The following NTM variants were observed in gnomAD, a reference collection of about 807,000 sequenced individuals.
NTM encodes the protein IgLON family member 2.
In NTM, 13 loss-of-function variants were observed where a neutral mutation model predicts 42.1. The observed-to-expected ratio is 0.31, with a 90% confidence interval of 0.20 to 0.49. The LOEUF (loss-of-function observed/expected upper bound fraction) is 0.49, where lower values mean the gene tolerates loss of function less well. Among genes scored for constraint, NTM ranks in the 20% least tolerant of loss-of-function variants. The probability of loss-of-function intolerance (pLI) is 0.99; values close to 1 mark genes in which losing one functional copy is unlikely to be tolerated. For missense variants in NTM, 373 were observed against 452.8 expected, an observed-to-expected ratio of 0.82 and a Z score of 1.60; for synonymous variants, 187 against 179.2, an observed-to-expected ratio of 1.04 and a Z score of -0.35.
intron 1 of NTM, chr11:131,896,984 G>C (rs1436159552): frequency 6.6e-6 from 1 of 152,174 alleles, no homozygotes; most frequent in Non-Finnish European, 1.5e-5. Flanking sequence ...CACCGCGCCC[G>C]GCCTAGGCTT....
At chr11:132,135,615 A>C (rs1404074439) in intron 2 of NTM, among the ~76,000 whole-genome samples, 1 of 152,212 alleles carries the variant, frequency 6.6e-6, no homozygotes, top group Non-Finnish European at 1.5e-5. Context: ...CACACAGGCT[A>C]CTGCTAGGGG....
intron 1 of NTM, among the ~76,000 whole-genome samples, chr11:131,748,411 T>C (rs765469970): frequency 7.2e-5 from 11 of 152,216 alleles, no homozygotes; most frequent in Non-Finnish European, 1.3e-4. Flanking sequence ...GGAAAGACAT[T>C]AGGAGCTTGG....
chr11:132,160,488 CT>C (rs2074050090), intron 3 of NTM, among the ~76,000 whole-genome samples: 1 of 152,210 alleles, frequency 6.6e-6, no homozygotes, highest in South Asian at 2.1e-4. Context: ...TAGCAATCAT[CT>C]TTTCTTCCTT....
chr11:132,080,434 A>G (rs561570647), intron 2 of NTM, among the ~76,000 whole-genome samples: 2 of 152,320 alleles, frequency 1.3e-5, no homozygotes, highest in African/African-American at 4.8e-5. Context: ...CATTTGCACA[A>G]AATCCCCAGC....
intron 3 of NTM, among the ~76,000 whole-genome samples, chr11:132,196,019 G>A (rs2080152795): frequency 6.6e-6 from 1 of 152,038 alleles, no homozygotes; most frequent in South Asian, 2.1e-4. Flanking sequence ...ACAACCTATG[G>A]AATGGAAGAA....
Position 131,721,259 on chromosome 11 carries a change from C to T in NTM, c.83-190305C>T, listed in dbSNP as rs114931969. Among the ~76,000 whole-genome samples, 1,350 of 152,202 alleles carry T rather than the reference C, an allele frequency of 8.9e-3. 24 individuals are homozygous for T. Among genetic ancestry groups the T allele is most frequent in the African/African-American group, 0.027 (1,106 of 41,516 alleles). On this transcript the variant is annotated intron_variant, in intron 1 of 8. Transcript: ENST00000683400. ...TTTCTCTTTCCTTTATGTTACAATG[C>T]TACCCTTATTCCGCTCAGATTTTAT...
At chr11:131,945,617 A>G (rs956178127) in intron 2 of NTM, among the ~76,000 whole-genome samples, 2 of 152,240 alleles carry the variant, frequency 1.3e-5, no homozygotes, top group African/African-American at 2.4e-5. Flanking sequence ...TTCAAAAATC[A>G]TTTAAGAAAA....
At chr11:131,503,889 G>A (rs1182005157) in intron 1 of NTM, among the ~76,000 whole-genome samples, 1 of 152,178 alleles carries the variant, frequency 6.6e-6, no homozygotes, top group Non-Finnish European at 1.5e-5. Flanking sequence ...TATTAGAGGT[G>A]AAGTTAACTG....
chr11:131,690,747 C>T (rs1278338177), intron 1 of NTM, among the ~76,000 whole-genome samples: 1 of 152,226 alleles, frequency 6.6e-6, no homozygotes, highest in African/African-American at 2.4e-5. Flanking sequence ...CCGTGGCCCA[C>T]ATCCTTGGGG....
At position 131,593,671 on chromosome 11, in the gene NTM, T is replaced by C. The variant is rs56246361; in HGVS notation, c.82+222783T>C. ...TAGTCAAAGGTCATTCAGCTGATAGTACGTGGGCAAAGCTGAGATTTAAAA... is the reference window on the plus strand; with the variant it reads ...TAGTCAAAGGTCATTCAGCTGATAGCACGTGGGCAAAGCTGAGATTTAAAA... On this transcript the variant is annotated intron_variant, in intron 1 of 8. Transcript: ENST00000683400. 5.7e-3 allele frequency among the ~76,000 whole-genome samples: 866 copies of C among 152,372 alleles called. 2 individuals are homozygous for C. Among genetic ancestry groups the C allele is most frequent in the Admixed American group, 8.1e-3 (124 of 15,310 alleles).
intron 2 of NTM, among the ~76,000 whole-genome samples, chr11:132,001,972 G>A (rs1288745263): frequency 6.6e-6 from 1 of 152,174 alleles, no homozygotes; most frequent in African/African-American, 2.4e-5. Flanking sequence ...AGGAGAATGG[G>A]TAAGATATGG....
At chr11:131,433,512 G>A (rs918189490) in intron 1 of NTM, among the ~76,000 whole-genome samples, 3 of 152,062 alleles carry the variant, frequency 2.0e-5, no homozygotes, top group African/African-American at 2.4e-5. Context: ...TTTCTCTTGT[G>A]TTTTGGAAGA....
intron 2 of NTM, among the ~76,000 whole-genome samples, chr11:132,004,659 AC>A (rs1348338157): frequency 6.6e-6 from 1 of 151,486 alleles, no homozygotes; most frequent in African/African-American, 2.4e-5. Context: ...CACACAACAC[AC>A]ACACACACAC....
intron 1 of NTM, among the ~76,000 whole-genome samples, chr11:131,499,474 T>G (rs7109239): frequency 1.1e-3 from 167 of 152,326 alleles, no homozygotes; most frequent in African/African-American, 3.9e-3. Flanking sequence ...TTCAACTGCC[T>G]GCAGAAGGTC....
intron 4 of NTM, among the ~76,000 whole-genome samples, chr11:132,285,554 G>A (rs181243413): frequency 3.0e-4 from 46 of 152,238 alleles, no homozygotes; most frequent in African/African-American, 1.1e-3. Context: ...ACCCAGATTG[G>A]GGCATCGGTG....
chr11:131,551,542 G>A (rs1243133388), intron 1 of NTM, among the ~76,000 whole-genome samples: 4 of 152,050 alleles, frequency 2.6e-5, no homozygotes, highest in Non-Finnish European at 5.9e-5. Context: ...ACCCAATTTA[G>A]CATTGGTAAA....
At chr11:131,802,368 G>A (rs1402156812) in intron 1 of NTM, among the ~76,000 whole-genome samples, 1 of 152,164 alleles carries the variant, frequency 6.6e-6, no homozygotes, top group Non-Finnish European at 1.5e-5. Flanking sequence ...TCAGCTACTT[G>A]GGGTTTTATC....
intron 1 of NTM, among the ~76,000 whole-genome samples, chr11:131,680,549 C>CTGTGTG (rs149161740): frequency 1.2e-3 from 4 of 3,376 alleles, no homozygotes; most frequent in Admixed American, 3.5e-3. Flanking sequence ...CTGTGAGTGC[C>CTGTGTG]TGTGTGTGTG....
chr11:132,084,229 T>C (rs896713663), intron 2 of NTM, among the ~76,000 whole-genome samples: 3 of 152,136 alleles, frequency 2.0e-5, no homozygotes, highest in Admixed American at 6.5e-5. Context: ...TGTCTATGAA[T>C]AAGAATATGT....
Sources: allele counts gnomAD v4.1 joint callset (sites outside exome capture counted in the v4.1 genomes callset), GRCh38; gene constraint gnomAD v4.1.1; transcripts MANE v1.5; gene names NCBI Gene and HGNC (gene_info 2026-07-23, HGNC 2026-07-21).